The following OPCML variants were observed in gnomAD, a reference collection of about 807,000 sequenced individuals.
OPCML encodes opioid-binding protein/cell adhesion molecule.
OPCML carries 13 observed loss-of-function variants against 37.8 expected under a neutral mutation model. The ratio of observed to expected loss-of-function variants is 0.34; its 90% confidence interval spans 0.22 to 0.55. The LOEUF is 0.55. Ranked by LOEUF, OPCML falls within the 20% of genes least tolerant of loss-of-function variation. The probability of loss-of-function intolerance (pLI) is 0.91; values close to 1 mark genes in which losing one functional copy is unlikely to be tolerated. For synonymous variants in OPCML, 176 were observed against 168.8 expected (o/e 1.04, Z -0.33); for missense variants, 341 against 435.6 (o/e 0.78, Z 1.93).
At chr11:132,605,086 C>T (rs1450855817) in intron 3 of OPCML, among the ~76,000 whole-genome samples, 2 of 152,120 alleles carry the variant, frequency 1.3e-5, no homozygotes, top group Non-Finnish European at 2.9e-5. Flanking sequence ...AGTCACACGC[C>T]AGCTGTGTGA....
intron 2 of OPCML, among the ~76,000 whole-genome samples, chr11:132,715,263 T>C (rs1944427793): frequency 6.6e-6 from 1 of 152,234 alleles, no homozygotes; most frequent in South Asian, 2.1e-4. Context: ...ACAGACTTAC[T>C]AAGCATCTAC....
chr11:132,846,545 T>C (rs1278454125), intron 2 of OPCML, among the ~76,000 whole-genome samples: 1 of 152,198 alleles, frequency 6.6e-6, no homozygotes, highest in Non-Finnish European at 1.5e-5. Flanking sequence ...AGGAAGTAGC[T>C]TTTAACTCCA....
intron 1 of OPCML, among the ~76,000 whole-genome samples, chr11:132,975,347 T>A (rs920223653): frequency 2.6e-5 from 4 of 151,620 alleles, no homozygotes; most frequent in Non-Finnish European, 5.9e-5. Flanking sequence ...TTTCATCAAA[T>A]GAACCATGCA....
At chr11:133,397,935 C>T (rs138072665) in intron 1 of OPCML, among the ~76,000 whole-genome samples, 386 of 152,260 alleles carry the variant, frequency 2.5e-3, no homozygotes, top group Middle Eastern at 0.01. Context: ...GAAGATGATG[C>T]CATTTACCCA....
intron 3 of OPCML, among the ~76,000 whole-genome samples, chr11:132,614,462 C>A (rs1938864020): frequency 6.6e-6 from 1 of 152,208 alleles, no homozygotes; most frequent in South Asian, 2.1e-4. Flanking sequence ...GTGACACCTT[C>A]CTCTTCCGTC....
At chr11:132,633,152 T>G (rs766072024) in intron 3 of OPCML, among the ~76,000 whole-genome samples, 6 of 152,152 alleles carry the variant, frequency 3.9e-5, no homozygotes, top group Non-Finnish European at 5.9e-5. Context: ...TGTCTTCTGC[T>G]GCCAGTAACA....
At chr11:133,508,791 A>C (rs932193911) in intron 1 of OPCML, among the ~76,000 whole-genome samples, 1 of 151,998 alleles carries the variant, frequency 6.6e-6, no homozygotes, top group African/African-American at 2.4e-5. Flanking sequence ...CGCACCAAAC[A>C]GCAAGGAAAG....
chr11:132,763,031 G>A (rs888359624), intron 2 of OPCML, among the ~76,000 whole-genome samples: 2 of 152,128 alleles, frequency 1.3e-5, no homozygotes, highest in Non-Finnish European at 2.9e-5. Flanking sequence ...CATCCCTCAT[G>A]TCACAGTCCC....
At chr11:133,274,749 C>T (rs552244692) in intron 1 of OPCML, among the ~76,000 whole-genome samples, 3 of 152,328 alleles carry the variant, frequency 2.0e-5, no homozygotes, top group South Asian at 4.2e-4. Context: ...TCTATGTTAC[C>T]ATCCCATCTT....
At chr11:132,892,365 G>T in intron 2 of OPCML, among the ~76,000 whole-genome samples, 1 of 152,144 alleles carries the variant, frequency 6.6e-6, no homozygotes, top group East Asian at 1.9e-4. Flanking sequence ...TATTTGGAGT[G>T]GGGGACAGAA....
At chr11:132,567,741 AT>A (rs1321116283) in intron 3 of OPCML, among the ~76,000 whole-genome samples, 17 of 152,192 alleles carry the variant, frequency 1.1e-4, no homozygotes, top group African/African-American at 4.1e-4. Flanking sequence ...TCAGAGGTAG[AT>A]TCTATCTGAT....
chr11:132,625,303 T>C (rs1939671137), intron 3 of OPCML, among the ~76,000 whole-genome samples: 2 of 152,152 alleles, frequency 1.3e-5, no homozygotes, highest in South Asian at 4.1e-4. Context: ...AGCACCAATG[T>C]AGTAGGTTTC....
chr11:132,848,221 A>G (rs1941639051), intron 2 of OPCML, among the ~76,000 whole-genome samples: 1 of 152,238 alleles, frequency 6.6e-6, no homozygotes, highest in Non-Finnish European at 1.5e-5. Flanking sequence ...GAGAGCTTGT[A>G]CTTATGCCTG....
At chr11:132,424,899 T>C (rs1565550994) in intron 7 of OPCML, among the ~76,000 whole-genome samples, 1 of 151,788 alleles carries the variant, frequency 6.6e-6, no homozygotes, top group Non-Finnish European at 1.5e-5. Context: ...GAACCTGGGG[T>C]GAGGTATTGG....
intron 1 of OPCML, among the ~76,000 whole-genome samples, chr11:133,339,921 T>A (rs1217180436): frequency 6.6e-6 from 1 of 152,148 alleles, no homozygotes; most frequent in African/African-American, 2.4e-5. Context: ...AACCCCCAAG[T>A]CTCACAAAAA....
chr11:132,921,934 C>T (rs1591805547), intron 2 of OPCML, among the ~76,000 whole-genome samples: 1 of 151,974 alleles, frequency 6.6e-6, no homozygotes, highest in African/African-American at 2.4e-5. Context: ...GGCTGGAGTG[C>T]AGTGGCATGA....
chr11:132,755,459 G>T (rs1297650038), intron 2 of OPCML, among the ~76,000 whole-genome samples: 1 of 151,960 alleles, frequency 6.6e-6, no homozygotes, highest in Non-Finnish European at 1.5e-5. Flanking sequence ...TTCAAACTTG[G>T]ATCCTATCAA....
At chr11:132,438,144 T>C (rs2096019418) in intron 4 of OPCML, among the ~76,000 whole-genome samples, 1 of 152,352 alleles carries the variant, frequency 6.6e-6, no homozygotes, top group Non-Finnish European at 1.5e-5. Context: ...AAATTTGTAT[T>C]GCTTTTATGC....
chr11:132,426,855 A>G (rs1592156651), intron 7 of OPCML, among the ~76,000 whole-genome samples: 1 of 152,334 alleles, frequency 6.6e-6, no homozygotes, highest in Non-Finnish European at 1.5e-5. Flanking sequence ...TTGCTGCTGC[A>G]TTCAGGGGTG....
Sources: allele counts gnomAD v4.1 joint callset (sites outside exome capture counted in the v4.1 genomes callset), GRCh38; gene constraint gnomAD v4.1.1; transcripts MANE v1.5; gene names NCBI Gene and HGNC (gene_info 2026-07-23, HGNC 2026-07-21).